POLR3A: variants seen among roughly 807,000 people sequenced by gnomAD.
The protein encoded by POLR3A is RNA polymerase III subunit A, also known as DNA-directed RNA polymerase III subunit RPC1.
Under a neutral mutation model 152.8 loss-of-function variants are expected in POLR3A, and 112 were observed. That is an observed-to-expected ratio of 0.73 (90% CI 0.63 to 0.86). POLR3A has a LOEUF of 0.86. Among genes scored for constraint, POLR3A ranks in the 40% least tolerant of loss-of-function variants. The pLI, the probability that POLR3A is intolerant of heterozygous loss-of-function variation, is 0.00. For missense variants in POLR3A, 1,385 were observed against 1,743.1 expected, an observed-to-expected ratio of 0.79 and a Z score of 3.66; for synonymous variants, 615 against 652.1, an observed-to-expected ratio of 0.94 and a Z score of 0.87.
intron 20 of POLR3A, 88 bp from the exon 21 acceptor site, chr10:77,991,255 AC>A (rs930415054): frequency 3.2e-5 from 25 of 787,178 alleles, no homozygotes; most frequent in Non-Finnish European, 5.2e-5. Context: ...GGATAAAATG[AC>A]CTTACCCAAG....
chr10:77,997,685 C>T (rs1475300777), intron 19 of POLR3A, among the ~76,000 whole-genome samples: 2 of 152,168 alleles, frequency 1.3e-5, no homozygotes, highest in Non-Finnish European at 2.9e-5. Flanking sequence ...ACATTCCATG[C>T]TCATGGGTAG....
chr10:78,019,263 T>C lies in POLR3A; in HGVS notation c.1188A>G (p.Val396=), dbSNP rs762399018. ...TCAAGAAATTGATGTTTGCTTTGTTTACCTGCAGTACAAAAAAACCACAAT... is the reference window on the plus strand; with the variant it reads ...TCAAGAAATTGATGTTTGCTTTGTTCACCTGCAGTACAAAAAAACCACAAT... ...VAKILTFPEK[V]NKANINFLRK... The change falls in exon 9 of 31, where the codon GTA becomes GTG. Residue 396 remains valine (V), a splice_region_variant and synonymous_variant. Coordinates refer to ENST00000372371, the MANE Select transcript of POLR3A (RefSeq NM_007055.4). 1 of 1,608,772 alleles carries C rather than the reference T, an allele frequency of 6.2e-7. No individual in the cohort carries two copies. The highest frequency in any genetic ancestry group is 1.1e-5 in the South Asian group (1 of 90,988).
At chr10:77,980,355 C>A in intron 29 of POLR3A, 82 bp from the exon 30 acceptor site, 3 of 1,371,486 alleles carry the variant, frequency 2.2e-6, no homozygotes, top group Non-Finnish European at 3.1e-6. Flanking sequence ...ACCTTCAATA[C>A]AATCAACAAA....
intron 10 of POLR3A, among the ~76,000 whole-genome samples, chr10:78,015,719 G>A (rs935574776): frequency 2.0e-5 from 3 of 152,080 alleles, no homozygotes; most frequent in South Asian, 2.1e-4. Flanking sequence ...ATTTATAGGC[G>A]TGATATAGCA....
At chr10:77,987,602 G>A (rs1469404889) in intron 21 of POLR3A, among the ~76,000 whole-genome samples, 1 of 152,136 alleles carries the variant, frequency 6.6e-6, no homozygotes, top group African/African-American at 2.4e-5. Context: ...CCTGAACCAG[G>A]AGCCCATTTC....
At chr10:78,014,450 T>A (rs1847498823) in intron 10 of POLR3A, among the ~76,000 whole-genome samples, 1 of 152,130 alleles carries the variant, frequency 6.6e-6, no homozygotes, top group African/African-American at 2.4e-5. Flanking sequence ...GTAGTCTCAC[T>A]CTGTTGTCCT....
At chr10:78,025,961 C>A in intron 2 of POLR3A, 133 bp downstream of exon 2, 1 of 1,262,880 alleles carries the variant, frequency 7.9e-7, no homozygotes, top group Non-Finnish European at 1.1e-6. Flanking sequence ...GGCCGGAGTT[C>A]TTGACCTAGT....
Position 78,025,109 on chromosome 10 carries a change from A to G in POLR3A, c.352T>C (p.Ser118Pro). The G allele has an allele frequency of 6.2e-7, 1 of 1,614,180 alleles. No individual in the cohort carries two copies. Among genetic ancestry groups the G allele is most frequent in the East Asian group, 2.2e-5 (1 of 44,886 alleles). Residue 118 changes from serine to proline, a missense_variant, in exon 4 of 31, where the codon TCC becomes CCC. Ser to Pro is a moderately conservative substitution (Grantham distance 74). Around this residue, in one of 7 missense-constraint regions of POLR3A, gnomAD observed 493 missense variants for 647.5 expected, o/e 0.76. Transcript: ENST00000372371. The part of the protein sequence containing the change: ...ICKTCCHIML[S>P]QEEKKQFLDY... The stretch of plus-strand genomic sequence containing the variant: ...AGAAACTGCTTCTTCTCCTCTTGGG[A>G]CAGCATGATGTGGCAGCAGGTTTTG...
intron 30 of POLR3A, among the ~76,000 whole-genome samples, chr10:77,978,352 A>G (rs1158408943): frequency 1.3e-5 from 2 of 152,160 alleles, no homozygotes; most frequent in African/African-American, 2.4e-5. Context: ...AAAGACCAAC[A>G]TGCAATGAGG....
chr10:78,014,731 T>C (rs1403872815), intron 10 of POLR3A, among the ~76,000 whole-genome samples: 2 of 152,202 alleles, frequency 1.3e-5, no homozygotes, highest in South Asian at 4.1e-4. Flanking sequence ...AAATTTTTTT[T>C]CCTAAGCACA....
intron 19 of POLR3A, among the ~76,000 whole-genome samples, chr10:77,994,498 T>TAAA (rs35711002): frequency 8.3e-6 from 1 of 121,114 alleles, no homozygotes; most frequent in African/African-American, 3.1e-5. Context: ...AAACATTACT[T>TAAA]AAAAAAAAAA....
chr10:78,022,499 CAG>C (rs772375819), intron 5 of POLR3A, 115 bp from the exon 6 acceptor site: 101 of 1,095,038 alleles, frequency 9.2e-5, no homozygotes, highest in Non-Finnish European at 1.2e-4. Context: ...TAAGTGACAA[CAG>C]AGATTTCTAT....
At position 77,977,153 on chromosome 10, in the gene POLR3A, G is replaced by GTGTA; in HGVS notation, c.*324_*325insTACA. 1 of 381,078 alleles carries GTGTA rather than the reference G, an allele frequency of 2.6e-6. No individual in the cohort carries two copies. The allele number at this position is 381,078 out of a possible 1,614,324, so 23.6% of individuals were successfully genotyped here. A position where few individuals can be genotyped will look rare whatever the true frequency, so the allele number is the denominator to read the frequency against. ...GCCGATGGATGTATGCAGTGAGCTG[G>GTGTA]GATGGACCATGACACCTGGCTGGGC... is the stretch of plus-strand genomic sequence containing the variant. On this transcript the variant is annotated 3_prime_UTR_variant, in exon 31 of 31. Transcript: ENST00000372371.
chr10:78,021,555 A>G lies in POLR3A; in HGVS notation c.1176T>C (p.Phe392=). 1.9e-6 allele frequency: 3 copies of G among 1,614,078 alleles called. No homozygotes were observed. The highest frequency in any genetic ancestry group is 2.5e-6 in the Non-Finnish European group (3 of 1,179,948). Residue 392 remains phenylalanine (F), a synonymous_variant, in exon 8 of 31, where the codon TTT becomes TTC. Coordinates refer to ENST00000372371, the MANE Select transcript of POLR3A (RefSeq NM_007055.4). ...VPVHVAKILT[F]PEKVNKANIN... ...CTGAGTGGTCACTTACCTTCTCAGGAAAAGTTAGAATTTTGGCCACATGAA... is the reference window on the plus strand; with the variant it reads ...CTGAGTGGTCACTTACCTTCTCAGGGAAAGTTAGAATTTTGGCCACATGAA...
In POLR3A at chr10:77,980,174, C is replaced by T. The variant is rs267608680; in HGVS notation, c.3991G>A (p.Ala1331Thr). 6.2e-6 allele frequency: 10 copies of T among 1,613,840 alleles called. No individual in the cohort carries two copies. The highest frequency in any genetic ancestry group is 1.3e-5 in the African/African-American group (1 of 74,914). Residue 1331 changes from alanine to threonine, a missense_variant, in exon 30 of 31, where the codon GCT becomes ACT. Transcript: ENST00000372371. Reference sequence around the variant, plus strand: ...GAGTCCTTCTGCCCGAAGTAGGCAGCGTCAAAGAGATGGTCAGCCGTCTTC... The same window carrying T: ...GAGTCCTTCTGCCCGAAGTAGGCAGTGTCAAAGAGATGGTCAGCCGTCTTC... ...FEKTADHLFD[A>T]AYFGQKDSVC... is the part of the protein sequence containing the mutation.
chr10:77,983,301 C>A (rs1257695482), intron 26 of POLR3A, among the ~76,000 whole-genome samples: 1 of 152,206 alleles, frequency 6.6e-6, no homozygotes, highest in East Asian at 1.9e-4. Context: ...GCATTTGAGT[C>A]AACTGTTATA....
rs966271703 is a variant in POLR3A, at chr10:78,006,644, GA to G, written c.2074+1057del. Among the ~76,000 whole-genome samples, 33 of 151,922 alleles carry G rather than the reference GA, an allele frequency of 2.2e-4. 1 individual carries two copies. Among genetic ancestry groups the G allele is most frequent in the Non-Finnish European group, 7.4e-5 (5 of 67,996 alleles). ...AAAAGAAAGAACAGAGAAAGTAAAA[GA>G]GAGAAAATTATTAAAGAAATAACAT... On this transcript the variant is annotated intron_variant, in intron 15 of 30. Coordinates refer to ENST00000372371, the MANE Select transcript of POLR3A (RefSeq NM_007055.4).
At chr10:78,009,805 GTC>G in intron 13 of POLR3A, 57 bp downstream of exon 13, 1 of 1,605,238 alleles carries the variant, frequency 6.2e-7, no homozygotes, top group Non-Finnish European at 8.5e-7. Context: ...CATTTCACCA[GTC>G]TACCCCCACA....
chr10:77,990,178 AG>A (rs1311463510), intron 21 of POLR3A, among the ~76,000 whole-genome samples: 1 of 152,152 alleles, frequency 6.6e-6, no homozygotes, highest in Non-Finnish European at 1.5e-5. Context: ...ATAAACATGA[AG>A]GAGCTGCCTG....
Sources: allele counts gnomAD v4.1 joint callset (sites outside exome capture counted in the v4.1 genomes callset), GRCh38; gene constraint gnomAD v4.1.1; regional missense constraint gnomAD v4.1.1; transcripts MANE v1.5; gene names NCBI Gene and HGNC (gene_info 2026-07-23, HGNC 2026-07-21).